The following HHLA1 variants were observed in gnomAD, a reference collection of about 807,000 sequenced individuals.
HHLA1 encodes HHLA1 neighbor of OC90, also known as HERV-H LTR-associating protein 1.
Under a neutral mutation model 69.9 loss-of-function variants are expected in HHLA1, and 72 were observed. That is an observed-to-expected ratio of 1.03 (90% CI 0.85 to 1.25). The LOEUF (loss-of-function observed/expected upper bound fraction) is 1.25. HHLA1 is among the 50% of genes most tolerant of loss of function. HHLA1 has a pLI of 0.00. For synonymous variants in HHLA1, 252 were observed against 233.2 expected, an observed-to-expected ratio of 1.08 and a Z score of -0.73; for missense variants, 685 against 642.2, an observed-to-expected ratio of 1.07 and a Z score of -0.72.
Position 132,076,526 on chromosome 8 carries a change from T to G in HHLA1, c.1189A>C (p.Thr397Pro). 1 of 1,523,508 alleles carries G rather than the reference T, an allele frequency of 6.6e-7. No individual in the cohort carries two copies. Among genetic ancestry groups the G allele is most frequent in the Non-Finnish European group, 8.8e-7 (1 of 1,132,860 alleles). 94.4% of individuals were successfully genotyped at this position (1,523,508 alleles called of 1,614,324 possible). The change falls in exon 13 of 17, where the codon ACA (threonine) becomes CCA (proline). Residue 397 changes from threonine to proline, a missense_variant. Coordinates refer to ENST00000414222, the MANE Select transcript of HHLA1 (RefSeq NM_001145095.3). Reference protein sequence around the residue: ...SPTLGAFTHGTQTPSPTKATA... With the variant: ...SPTLGAFTHGPQTPSPTKATA... Reference sequence around the variant, plus strand: ...GCCTTGGTTGGACTCGGAGTCTGTGTGCCATGGGTGAATGCTCCTGGGAGG... The same window carrying G: ...GCCTTGGTTGGACTCGGAGTCTGTGGGCCATGGGTGAATGCTCCTGGGAGG...
intron 3 of HHLA1, among the ~76,000 whole-genome samples, chr8:132,102,242 G>A (rs116987451): frequency 1.8e-3 from 276 of 152,234 alleles, no homozygotes; most frequent in Non-Finnish European, 3.2e-3. Flanking sequence ...CTGTTTATCC[G>A]TCAATGGACA....
chr8:132,107,749 G>A (rs1291258625), intron 1 of HHLA1, among the ~76,000 whole-genome samples: 2 of 152,200 alleles, frequency 1.3e-5, no homozygotes, highest in Non-Finnish European at 2.9e-5. Flanking sequence ...GATTTAACAA[G>A]TAAAAAACAC....
chr8:132,087,347 G>A (rs1183116681), intron 10 of HHLA1, among the ~76,000 whole-genome samples: 1 of 152,224 alleles, frequency 6.6e-6, no homozygotes, highest in East Asian at 1.9e-4. Context: ...AGAAAAAAGT[G>A]GAAGGCAACA....
At position 132,079,721 on chromosome 8, in the gene HHLA1, A is replaced by C; in HGVS notation, c.922T>G (p.Leu308Val). 1 of 1,545,164 alleles carries C rather than the reference A, an allele frequency of 6.5e-7. No individual in the cohort carries two copies. Among genetic ancestry groups the C allele is most frequent in the South Asian group, 1.2e-5 (1 of 82,976 alleles). ...WFSASHTLPA[L>V]ATRRVARTQW... Reference sequence around the variant, plus strand: ...AAAGGGTGAGAATGCATCTTACCCAAGGCTGGGAGAGTGTGGGAGGCACTG... The same window carrying C: ...AAAGGGTGAGAATGCATCTTACCCACGGCTGGGAGAGTGTGGGAGGCACTG... The change falls in exon 11 of 17, where the codon TTG (leucine) becomes GTG (valine). Residue 308 changes from leucine to valine, a missense_variant. Transcript: ENST00000414222.
chr8:132,091,443 C>A (rs879940670), intron 7 of HHLA1, among the ~76,000 whole-genome samples: 3 of 152,180 alleles, frequency 2.0e-5, no homozygotes, highest in Non-Finnish European at 4.4e-5. Context: ...CTGTCTTGGG[C>A]CAAAGCTTCC....
rs1823672748 is a variant in HHLA1, at chr8:132,077,846, G to C, written c.1051C>G (p.Arg351Gly). 6.4e-7 allele frequency: 1 copy of C among 1,551,520 alleles called. No individual in the cohort carries two copies. The highest frequency in any genetic ancestry group is 8.7e-7 in the Non-Finnish European group (1 of 1,146,958). ...CCTGCAGTAGTCGGTGGGGAAGAAC[G>C]AGTTTCCCAGAGAGACCCTCCAGGT... ...KKPGGSLWET[R>G]SSPPTTAGTE... The change falls in exon 12 of 17, where the codon CGT becomes GGT. Residue 351 changes from arginine to glycine, a missense_variant. Coordinates refer to ENST00000414222, the MANE Select transcript of HHLA1 (RefSeq NM_001145095.3).
At chr8:132,082,961 C>A (rs796676776) in intron 10 of HHLA1, among the ~76,000 whole-genome samples, 1 of 151,018 alleles carries the variant, frequency 6.6e-6, no homozygotes, top group Non-Finnish European at 1.5e-5. Context: ...CTTTTTAAAG[C>A]GTGCTGTGGG....
Position 132,089,931 on chromosome 8 carries a change from C to A in HHLA1, c.449-332G>T, listed in dbSNP as rs113486910. 4.4e-3 allele frequency among the ~76,000 whole-genome samples: 670 copies of A among 152,238 alleles called. 3 individuals carry two copies. Among genetic ancestry groups the A allele is most frequent in the African/African-American group, 0.016 (646 of 41,532 alleles). On this transcript the variant is annotated intron_variant, in intron 7 of 16. Transcript: ENST00000414222. ...TGGCGGCTTTTCCCCATTGTTTCGT[C>A]TAATTGTTTTTAGAATGCCAACTCC... is the stretch of plus-strand genomic sequence containing the variant.
chr8:132,070,508 T>C (rs1411138702), intron 15 of HHLA1: 9 of 629,636 alleles, frequency 1.4e-5, no homozygotes, highest in African/African-American at 1.8e-5. Flanking sequence ...CTACTTAACA[T>C]GACACAAGTT....
chr8:132,103,543 T>G (rs2469646), intron 3 of HHLA1, among the ~76,000 whole-genome samples: 122,007 of 151,994 alleles, frequency 0.8, 49,425 homozygotes, highest in Middle Eastern at 0.93. Flanking sequence ...TCTTGAGCCT[T>G]TGGGGTGGAG....
intron 15 of HHLA1, among the ~76,000 whole-genome samples, chr8:132,066,732 C>G (rs1823446600): frequency 6.6e-6 from 1 of 152,156 alleles, no homozygotes; most frequent in Non-Finnish European, 1.5e-5. Context: ...ACTAATTGCT[C>G]AAGTCAAGCT....
In HHLA1 at chr8:132,065,901, C is replaced by T. The variant is rs774756842; in HGVS notation, c.1537G>A (p.Val513Met). ...ATYICQRVKR[V>M]SHSHTLKQKC... ...GTGTACTTACTGTGCGAGTGGGACA[C>T]CCTTTTCACCCTCTGACAGATATAT... The change falls in exon 16 of 17, where the codon GTG becomes ATG. Residue 513 changes from valine to methionine, a missense_variant. By Grantham distance (21) the Val-to-Met change is conservative (BLOSUM62 1). Coordinates refer to ENST00000414222, the MANE Select transcript of HHLA1 (RefSeq NM_001145095.3). 1 of 1,301,086 alleles carries T rather than the reference C, an allele frequency of 7.7e-7. No individual in the cohort carries two copies. Among genetic ancestry groups the T allele is most frequent in the Non-Finnish European group, 1.0e-6 (1 of 985,132 alleles). 80.6% of individuals were successfully genotyped at this position (1,301,086 alleles called of 1,614,324 possible).
chr8:132,103,247 G>A lies in HHLA1; in HGVS notation c.139+861C>T, dbSNP rs560451081. ...CAGGAAAGGGAAGCTGTTGGCTGGG[G>A]GAGCATTTTAACTTTATACGCTTTT... On this transcript the variant is annotated intron_variant, in intron 3 of 16. Coordinates refer to ENST00000414222, the MANE Select transcript of HHLA1 (RefSeq NM_001145095.3). Among the ~76,000 whole-genome samples, 76 of 152,260 alleles carry A rather than the reference G, an allele frequency of 5.0e-4. 1 individual carries two copies. Among genetic ancestry groups the A allele is most frequent in the South Asian group, 4.2e-3 (20 of 4,816 alleles).
At chr8:132,082,401 G>A (rs1379293352) in intron 10 of HHLA1, among the ~76,000 whole-genome samples, 1 of 152,240 alleles carries the variant, frequency 6.6e-6, no homozygotes, top group Non-Finnish European at 1.5e-5. Context: ...CCTGGCTCTT[G>A]TGTAAGAATT....
chr8:132,077,962 C>T lies in HHLA1; in HGVS notation c.935G>A (p.Arg312Lys), dbSNP rs980961982. ...TGTCAACCACTGAGTTCTGGCCACC[C>T]TCCTGGTAGCTGCACATTCAAAGTG... The part of the protein sequence containing the change: ...SHTLPALATR[R>K]VARTQWLTAD... Residue 312 changes from arginine (R) to lysine (K), a missense_variant, in exon 12 of 17, where the codon AGG becomes AAG. Transcript: ENST00000414222. 3 of 1,551,600 alleles carry T rather than the reference C, an allele frequency of 1.9e-6. No homozygotes were observed. Among genetic ancestry groups the T allele is most frequent in the East Asian group, 2.4e-5 (1 of 40,902 alleles).
rs150989151 is a variant in HHLA1, at chr8:132,104,786, C to T, written c.79+401G>A. Among the ~76,000 whole-genome samples the T allele has an allele frequency of 8.6e-3, 1,303 of 152,014 alleles. 11 individuals are homozygous for T. The highest frequency in any genetic ancestry group is 0.012 in the Non-Finnish European group (845 of 68,002). ...ACTACACAGAGAGAAGTAGGAACTC[C>T]GCAAATAATTTGGGGCAGAGGGAGA... On this transcript the variant is annotated intron_variant, in intron 2 of 16. Transcript: ENST00000414222.
At chr8:132,090,734 A>G (rs981841387) in intron 7 of HHLA1, among the ~76,000 whole-genome samples, 8 of 150,118 alleles carry the variant, frequency 5.3e-5, no homozygotes, top group African/African-American at 1.5e-4. Context: ...GTAGGCAAAC[A>G]TGGGCACCCT....
intron 10 of HHLA1, among the ~76,000 whole-genome samples, chr8:132,086,322 T>TC (rs201500352): frequency 2.0e-5 from 3 of 152,046 alleles, no homozygotes. Flanking sequence ...GGCCCTCACC[T>TC]CCCCCAGAAT....
chr8:132,065,124 T>A (rs3779978), intron 16 of HHLA1, among the ~76,000 whole-genome samples: 9 of 151,890 alleles, frequency 5.9e-5, no homozygotes, highest in African/African-American at 1.9e-4. Flanking sequence ...AAGTGAGAGA[T>A]AAAAAAAAGC....
Sources: allele counts gnomAD v4.1 joint callset (sites outside exome capture counted in the v4.1 genomes callset), GRCh38; gene constraint gnomAD v4.1.1; transcripts MANE v1.5; gene names NCBI Gene and HGNC (gene_info 2026-07-23, HGNC 2026-07-21).